The following DDX11 variants were observed in gnomAD, a reference collection of about 807,000 sequenced individuals.
DDX11 encodes ATP-dependent DNA helicase DDX11.
DDX11 carries 72 observed loss-of-function variants against 125.2 expected under a neutral mutation model. That is an observed-to-expected ratio of 0.58 (90% confidence interval 0.48 to 0.70). The LOEUF is 0.70. Ranked by LOEUF, DDX11 falls within the 30% of genes least tolerant of loss-of-function variation. DDX11 has a pLI of 0.00. For synonymous variants in DDX11, 347 were observed against 452.6 expected, an observed-to-expected ratio of 0.77 and a Z score of 2.96; for missense variants, 883 against 1,165.0, an observed-to-expected ratio of 0.76 and a Z score of 3.52.
Position 31,103,234 on chromosome 12 carries a change from G to T in DDX11, c.2458-83G>T, listed in dbSNP as rs186936137. The T allele has an allele frequency of 9.4e-4, 1,463 of 1,560,298 alleles. 18 individuals carry two copies. The African/African-American group carries it at 0.018, about 19-fold the overall frequency. On this transcript the variant is annotated intron_variant, in intron 24 of 26. Transcript: ENST00000542838. The stretch of plus-strand genomic sequence containing the variant: ...CATTGGCCACGAAGCCTCCTGGTCT[G>T]GCTCCAAAGCCTGGCAGGGTCTTTT...
rs776287350 is a variant in DDX11, at chr12:31,093,248, G to A, written c.1293G>A (p.Lys431=). Residue 431 remains lysine (K), a synonymous_variant, in exon 12 of 27, where the codon AAG becomes AAA. Coordinates refer to ENST00000542838, the MANE Select transcript of DDX11 (RefSeq NM_030653.4). ...ATGTCCGTTGGCTTCTTCTCAGGAA[G>A]CGTTTGAAGGCCAAGAACCTGATGT... is the stretch of plus-strand genomic sequence containing the variant. ...QLLQYVERYG[K]RLKAKNLMYL... The A allele has an allele frequency of 5.6e-6, 9 of 1,612,702 alleles. No individual in the cohort carries two copies. Among genetic ancestry groups the A allele is most frequent in the South Asian group, 4.4e-5 (4 of 90,882 alleles).
At chr12:31,085,827 C>CT (rs1232370961) in intron 5 of DDX11, among the ~76,000 whole-genome samples, 4 of 151,994 alleles carry the variant, frequency 2.6e-5, no homozygotes, top group Admixed American at 2.0e-4. Flanking sequence ...CAAATAGCAC[C>CT]TATGTGAAGT....
intron 12 of DDX11, chr12:31,093,745 G>GAAAAAAAAAAAA (rs1944707468): frequency 6.8e-6 from 1 of 146,748 alleles, no homozygotes; most frequent in South Asian, 8.7e-5. Context: ...AAAAAAAAAA[G>GAAAAAAAAAAAA]AAGGGTCTTG....
intron 1 of DDX11, among the ~76,000 whole-genome samples, chr12:31,076,435 A>C (rs4931425): frequency 0.53 from 80,870 of 151,908 alleles, 22,645 homozygotes; most frequent in East Asian, 0.82. Flanking sequence ...TCTTACTCTC[A>C]GTTTGTGAAC....
At chr12:31,092,682 C>A (rs1944443158) in intron 10 of DDX11, among the ~76,000 whole-genome samples, 164 bp from the exon 11 acceptor site, 1 of 152,228 alleles carries the variant, frequency 6.6e-6, no homozygotes, top group Non-Finnish European at 1.5e-5. Flanking sequence ...TCCCACCAGC[C>A]TAAGGGCTGT....
Position 31,078,118 on chromosome 12 carries a change from C to T in DDX11, c.-4-272C>T, listed in dbSNP as rs1481105949. 6 of 1,140,854 alleles carry T rather than the reference C, an allele frequency of 5.3e-6. No individual in the cohort carries two copies. In the Admixed American group the frequency reaches 1.1e-4, roughly 21 times the overall value. The allele number at this position is 1,140,854 out of a possible 1,614,324, so 70.7% of individuals were successfully genotyped here. On this transcript the variant is annotated intron_variant, in intron 1 of 26. Transcript: ENST00000542838. ...AGAGGCATTAGAAAGGTATCGGAGC[C>T]ACGGTGAAATGCAGGGGAGATTGGG...
Position 31,089,105 on chromosome 12 carries a change from G to A in DDX11, c.746G>A (p.Ser249Asn), listed in dbSNP as rs745557473. The A allele has an allele frequency of 1.1e-5, 17 of 1,613,904 alleles. No individual in the cohort carries two copies. The highest frequency in any genetic ancestry group is 5.0e-5 in the Admixed American group (3 of 60,006). ...LAQFVHEVKK[S>N]PFGKDVRLVS... is the part of the protein sequence containing the mutation. ...CAGTTTGTGCATGAGGTGAAGAAGA[G>A]CCCCTTTGGCAAGGATGTTCGGCTG... Residue 249 changes from serine (S) to asparagine (N), a missense_variant, in exon 7 of 27, where the codon AGC becomes AAC. Coordinates refer to ENST00000542838, the MANE Select transcript of DDX11 (RefSeq NM_030653.4).
chr12:31,084,791 C>T (rs769932011), intron 4 of DDX11, 122 bp downstream of exon 4: 20 of 1,047,158 alleles, frequency 1.9e-5, no homozygotes, highest in South Asian at 4.1e-5. Flanking sequence ...TATGTGCTCC[C>T]GTACAGAAGC....
In DDX11 at chr12:31,101,894, G is replaced by C; in HGVS notation, c.2114G>C (p.Cys705Ser). ...LCGVVPGGVV[C>S]FFPSYEYLRQ... is the part of the protein sequence containing the mutation. ...GGTGTGGTTCCTGGAGGGGTGGTCT[G>C]TTTCTTCCCCTCCTACGAGTACCTG... The change falls in exon 21 of 27, where the codon TGT becomes TCT. Residue 705 changes from cysteine (C) to serine (S), a missense_variant. This residue lies in a region of DDX11 where 285 missense variants were observed against 346.0 expected (regional missense o/e 0.82). Transcript: ENST00000542838. 2 of 1,613,932 alleles carry C rather than the reference G, an allele frequency of 1.2e-6. No homozygotes were observed. The highest frequency in any genetic ancestry group is 8.5e-7 in the Non-Finnish European group (1 of 1,179,836).
chr12:31,083,356 G>A (rs2111766), intron 2 of DDX11, among the ~76,000 whole-genome samples: 78,243 of 148,130 alleles, frequency 0.53, 21,902 homozygotes, highest in East Asian at 0.82. Flanking sequence ...AAGCACTGGC[G>A]CTCATGACTG....
At chr12:31,076,230 C>T (rs1229770406) in intron 1 of DDX11, among the ~76,000 whole-genome samples, 1 of 152,014 alleles carries the variant, frequency 6.6e-6, no homozygotes, top group African/African-American at 2.4e-5. Context: ...CACGTGTAAG[C>T]GAAAGTTTGG....
At chr12:31,088,344 C>T (rs1464272636) in intron 6 of DDX11, among the ~76,000 whole-genome samples, 1 of 152,184 alleles carries the variant, frequency 6.6e-6, no homozygotes, top group East Asian at 1.9e-4. Context: ...ATGCTTGCCA[C>T]CCCAGGGCAT....
chr12:31,102,350 G>C (rs756602647), intron 22 of DDX11, 39 bp downstream of exon 22: 1 of 1,608,902 alleles, frequency 6.2e-7, no homozygotes. Context: ...GAGATCGTGT[G>C]GGGGTGGCAG....
chr12:31,079,482 C>T (rs1357534739), intron 2 of DDX11, among the ~76,000 whole-genome samples: 2 of 138,418 alleles, frequency 1.4e-5, no homozygotes, highest in East Asian at 4.5e-4. Flanking sequence ...TTGCAGATGG[C>T]TGCGTTCTTA....
intron 2 of DDX11, among the ~76,000 whole-genome samples, chr12:31,081,592 C>G (rs1941949841): frequency 6.6e-6 from 1 of 151,388 alleles, no homozygotes; most frequent in East Asian, 1.9e-4. Context: ...TACATGTGAA[C>G]CTGTGAGCAT....
rs1338776606 is a variant in DDX11, at chr12:31,096,261, G to A, written c.1483-80G>A. On this transcript the variant is annotated intron_variant, in intron 14 of 26. Transcript: ENST00000542838. ...GCGTTGTGCTGCCTGGGTGGTAGAA[G>A]TGGTGTTTTTTGTTTTGTTTTTAAG... is the stretch of plus-strand genomic sequence containing the variant. 86 of 1,468,542 alleles carry A rather than the reference G, an allele frequency of 5.9e-5. 1 individual carries two copies. In the South Asian group the frequency reaches 5.9e-4, roughly 10 times the overall value. The allele number at this position is 1,468,542 out of a possible 1,614,324, so 91.0% of individuals were successfully genotyped here.
intron 18 of DDX11, among the ~76,000 whole-genome samples, chr12:31,098,998 G>A (rs1483608477): frequency 6.6e-6 from 1 of 151,162 alleles, no homozygotes; most frequent in Non-Finnish European, 1.5e-5. Context: ...GTGCTAGGGT[G>A]TTTGTCGTGC....
chr12:31,103,884 C>G lies in DDX11; in HGVS notation c.*48C>G. 1 of 1,613,982 alleles carries G rather than the reference C, an allele frequency of 6.2e-7. No individual in the cohort carries two copies. Among genetic ancestry groups the G allele is most frequent in the Non-Finnish European group, 8.5e-7 (1 of 1,179,874 alleles). On this transcript the variant is annotated 3_prime_UTR_variant, in exon 27 of 27. Coordinates refer to ENST00000542838, the MANE Select transcript of DDX11 (RefSeq NM_030653.4). ...GCGCCGTGCCCTTCCTTTGTCCTGC[C>G]CGCTGGAGACAGTGTTTGTCGTGGG...
intron 2 of DDX11, 67 bp downstream of exon 2, chr12:31,078,604 T>G (rs1016571030): frequency 6.2e-7 from 1 of 1,610,606 alleles, no homozygotes; most frequent in Non-Finnish European, 8.5e-7. Flanking sequence ...CTTTTCCTGT[T>G]TGCCTATCCA....
Sources: gnomAD v4.1 joint callset for allele counts (sites outside exome capture counted in the v4.1 genomes callset) on GRCh38, gnomAD v4.1.1 for gene constraint, gnomAD v4.1.1 regional missense constraint, MANE v1.5 for transcripts, NCBI Gene and HGNC (gene_info 2026-07-23, HGNC 2026-07-21) for gene names.